PDE2A: variants seen among roughly 807,000 people sequenced by gnomAD.
The protein encoded by PDE2A is phosphodiesterase 2A, also known as cGMP-dependent 3',5'-cyclic phosphodiesterase.
A neutral mutation model predicts 133.6 loss-of-function variants in PDE2A; 53 were observed. The ratio of observed to expected loss-of-function variants is 0.40; its 90% confidence interval spans 0.32 to 0.50. The LOEUF is 0.50. PDE2A is among the 20% of genes least tolerant of loss of function. The pLI is 0.73. For missense variants in PDE2A, 796 were observed against 1,232.4 expected (o/e 0.65, Z 5.30); for synonymous variants, 491 against 490.2 (o/e 1.00, Z -0.02).
chr11:72,598,799 C>T (rs1284965777), intron 4 of PDE2A: 7 of 985,298 alleles, frequency 7.1e-6, no homozygotes, highest in Non-Finnish European at 8.4e-6. Context: ...TGAACCAAAC[C>T]CATTCCTTCC....
chr11:72,583,759 T>A (rs1184624559), intron 19 of PDE2A, among the ~76,000 whole-genome samples: 3 of 152,076 alleles, frequency 2.0e-5, no homozygotes, highest in Non-Finnish European at 4.4e-5. Flanking sequence ...CCCCCACACC[T>A]GATCCAGGCT....
At chr11:72,647,391 C>T (rs910039865) in intron 1 of PDE2A, among the ~76,000 whole-genome samples, 1 of 152,208 alleles carries the variant, frequency 6.6e-6, no homozygotes, top group African/African-American at 2.4e-5. Flanking sequence ...GCCTGCTTCT[C>T]TTTGAGTGCT....
At position 72,591,364 on chromosome 11, in the gene PDE2A, G is replaced by C. The variant is rs762485715; in HGVS notation, c.490-8C>G. The C allele has an allele frequency of 5.0e-5, 81 of 1,611,986 alleles. No individual in the cohort carries two copies. Among genetic ancestry groups the C allele is most frequent in the Non-Finnish European group, 6.4e-5 (75 of 1,178,318 alleles). ...CAGCTGGCCACAGTGCACCTGGAGG[G>C]ATGGGAGAAGGGAACTAGCTGTGAC... On this transcript the variant is annotated splice_region_variant and splice_polypyrimidine_tract_variant and intron_variant, in intron 6 of 30. Coordinates refer to ENST00000334456, the MANE Select transcript of PDE2A (RefSeq NM_002599.5).
At chr11:72,661,105 G>A (rs907651217) in intron 1 of PDE2A, among the ~76,000 whole-genome samples, 1 of 152,058 alleles carries the variant, frequency 6.6e-6, no homozygotes, top group African/African-American at 2.4e-5. Flanking sequence ...AGAAGTTGAA[G>A]ACCAGCCTGG....
chr11:72,599,053 A>T (rs1856616665), intron 4 of PDE2A: 7 of 984,790 alleles, frequency 7.1e-6, no homozygotes, highest in Non-Finnish European at 7.2e-6. Flanking sequence ...CCCTGGCCAA[A>T]CCCTGCCCAG....
Position 72,577,639 on chromosome 11 carries a change from C to T in PDE2A, c.2616-45G>A, listed in dbSNP as rs756348696. 7 of 1,384,068 alleles carry T rather than the reference C, an allele frequency of 5.1e-6. No homozygotes were observed. The South Asian group carries it at 6.9e-5, about 14-fold the overall frequency. 85.7% of individuals were successfully genotyped at this position (1,384,068 alleles called of 1,614,324 possible). ...AGAGGGCGAGAGGCCAGAAATCAGA[C>T]CATGGGCAGCAAGAAAGACTAGGGC... On this transcript the variant is annotated intron_variant, in intron 30 of 30. Coordinates refer to ENST00000334456, the MANE Select transcript of PDE2A (RefSeq NM_002599.5).
rs2135265436 is a variant in PDE2A at position 72,578,138 on chromosome 11, C to T, written c.2615+95G>A. The T allele has an allele frequency of 1.2e-6, 1 of 823,204 alleles. No homozygotes were observed. Among genetic ancestry groups the T allele is most frequent in the Non-Finnish European group, 2.1e-6 (1 of 477,852 alleles). The allele number at this position is 823,204 out of a possible 1,614,324, so 51.0% of individuals were successfully genotyped here. A position where few individuals can be genotyped will look rare whatever the true frequency, so the allele number is the denominator to read the frequency against. ...AGGGGATGAATCAGTTGGACCTGGGCCAGGCCAATCTCAGCACCTGTGTTT... is the reference window on the plus strand; with the variant it reads ...AGGGGATGAATCAGTTGGACCTGGGTCAGGCCAATCTCAGCACCTGTGTTT... On this transcript the variant is annotated intron_variant, in intron 30 of 30. Coordinates refer to ENST00000334456, the MANE Select transcript of PDE2A (RefSeq NM_002599.5). This position sits in a 1 kb window ranked among gnomAD's most constrained non-coding sequence, Gnocchi z 4.2.
rs1856207385 is a variant in PDE2A at position 72,590,718 on chromosome 11, C to T, written c.550-138G>A. 3.8e-6 allele frequency: 3 copies of T among 787,004 alleles called. No individual in the cohort carries two copies. The East Asian group carries it at 1.0e-4, about 26-fold the overall frequency. The allele number at this position is 787,004 out of a possible 1,614,324, so 48.8% of individuals were successfully genotyped here. On this transcript the variant is annotated intron_variant, in intron 7 of 30. Transcript: ENST00000334456. The surrounding 1 kb of genome is among the most constrained non-coding windows in gnomAD (Gnocchi z 4.8). ...CCCGCCGCCGTCCCAAACACCTCATCCCTGGACTCTACCTTCCTGAGGGCT... is the reference window on the plus strand; with the variant it reads ...CCCGCCGCCGTCCCAAACACCTCATTCCTGGACTCTACCTTCCTGAGGGCT...
Position 72,597,585 on chromosome 11 carries a change from T to G in PDE2A, c.358A>C (p.Asn120His). The change falls in exon 5 of 31, where the codon AAT becomes CAT. Residue 120 changes from asparagine (N) to histidine (H), a missense_variant. Transcript: ENST00000334456. This position sits in a 1 kb window ranked among gnomAD's most constrained non-coding sequence, Gnocchi z 4.6. The part of the protein sequence containing the change: ...AIISQKRLGC[N>H]GLGFSDLPGK... ...GGCAGGTCTGAGAAGCCCAGCCCATTGCAGCCCAGCCGCTTCTGGGAGATG... is the reference window on the plus strand; with the variant it reads ...GGCAGGTCTGAGAAGCCCAGCCCATGGCAGCCCAGCCGCTTCTGGGAGATG... 1 of 1,612,938 alleles carries G rather than the reference T, an allele frequency of 6.2e-7. No individual in the cohort carries two copies. The highest frequency in any genetic ancestry group is 8.5e-7 in the Non-Finnish European group (1 of 1,179,794).
At chr11:72,601,756 C>T (rs1226288871) in intron 4 of PDE2A, among the ~76,000 whole-genome samples, 1 of 152,162 alleles carries the variant, frequency 6.6e-6, no homozygotes, top group Non-Finnish European at 1.5e-5. Context: ...GTGAAGCCTC[C>T]TTTCAGGAAG....
chr11:72,580,927 G>C lies in PDE2A; in HGVS notation c.2092C>G (p.Leu698Val), dbSNP rs1855697348. 2 of 1,613,350 alleles carry C rather than the reference G, an allele frequency of 1.2e-6. No individual in the cohort carries two copies. The highest frequency in any genetic ancestry group is 1.7e-6 in the Non-Finnish European group (2 of 1,179,370). ...ALFISCMCHDLDHRGTNNSFQ... is the reference protein window; with the variant it reads ...ALFISCMCHDVDHRGTNNSFQ... ...GAGTTGTTTGTGCCTCTGTGGTCCA[G>C]GTCATGACACATGCAGGAAATAAAC... The change falls in exon 24 of 31, where the codon CTG (leucine) becomes GTG (valine). Residue 698 changes from leucine (L) to valine (V), a missense_variant. Transcript: ENST00000334456.
chr11:72,636,110 C>A (rs1010307329), intron 2 of PDE2A: 2 of 1,231,502 alleles, frequency 1.6e-6, no homozygotes, highest in East Asian at 5.8e-5. Flanking sequence ...ATGCCTGCCC[C>A]CTGAAGCCAC....
chr11:72,616,398 T>C (rs1229434596), intron 2 of PDE2A, among the ~76,000 whole-genome samples: 1 of 152,188 alleles, frequency 6.6e-6, no homozygotes, highest in Non-Finnish European at 1.5e-5. Flanking sequence ...CACAACAGAC[T>C]GGGAGCTTTT....
intron 1 of PDE2A, among the ~76,000 whole-genome samples, chr11:72,656,599 G>A (rs189083868): frequency 8.5e-4 from 130 of 152,056 alleles, no homozygotes; most frequent in African/African-American, 2.8e-3. Context: ...GGCCAGACAC[G>A]AGCAGAAAGG....
chr11:72,648,343 G>A (rs966950303), intron 1 of PDE2A, among the ~76,000 whole-genome samples: 1 of 152,198 alleles, frequency 6.6e-6, no homozygotes, highest in South Asian at 2.1e-4. Context: ...TGTGTCCGCT[G>A]GCTATGGCTC....
In PDE2A at chr11:72,578,546, A is replaced by C. The variant is rs761895946; in HGVS notation, c.2470-32T>G. 1.9e-6 allele frequency: 3 copies of C among 1,583,048 alleles called. No individual in the cohort carries two copies. Among genetic ancestry groups the C allele is most frequent in the Non-Finnish European group, 2.6e-6 (3 of 1,151,862 alleles). On this transcript the variant is annotated intron_variant, in intron 28 of 30. Coordinates refer to ENST00000334456, the MANE Select transcript of PDE2A (RefSeq NM_002599.5). The surrounding 1 kb of genome is among the most constrained non-coding windows in gnomAD (Gnocchi z 4.2). The stretch of plus-strand genomic sequence containing the variant: ...GGCCAACACTCTCATCACATCCTCT[A>C]TGTAGGATACATCCACCCAAGCTCC...
At position 72,585,939 on chromosome 11, in the gene PDE2A, AGGTTATGG is replaced by A. The variant is rs562515929; in HGVS notation, c.1182+123_1182+130del. The A allele has an allele frequency of 2.5e-4, 166 of 668,360 alleles. No homozygotes were observed. In the African/African-American group the frequency reaches 2.8e-3, roughly 11 times the overall value. The allele number at this position is 668,360 out of a possible 1,614,324, so 41.4% of individuals were successfully genotyped here. A position where few individuals can be genotyped will look rare whatever the true frequency, so the allele number is the denominator to read the frequency against. ...AACAACTGCAAGCCTTCAAGTTATG[AGGTTATGG>A]AGCCACCTGGGGAAGGGCTGCCACC... On this transcript the variant is annotated intron_variant, in intron 14 of 30. Coordinates refer to ENST00000334456, the MANE Select transcript of PDE2A (RefSeq NM_002599.5).
At chr11:72,658,274 G>T (rs923472558) in intron 1 of PDE2A, 9 of 375,148 alleles carry the variant, frequency 2.4e-5, no homozygotes, top group Non-Finnish European at 4.7e-5. Flanking sequence ...TCCCACCCCA[G>T]GTTATGGAGG....
At chr11:72,642,776 C>T (rs1484234258) in intron 1 of PDE2A, among the ~76,000 whole-genome samples, 2 of 146,912 alleles carry the variant, frequency 1.4e-5, no homozygotes, top group East Asian at 2.1e-4. Flanking sequence ...GTCCGGGGCC[C>T]GGCCAGAGCC....
Sources: allele counts gnomAD v4.1 joint callset (sites outside exome capture counted in the v4.1 genomes callset), GRCh38; gene constraint gnomAD v4.1.1; non-coding constraint Gnocchi (gnomAD v3.1); transcripts MANE v1.5; gene names NCBI Gene and HGNC (gene_info 2026-07-23, HGNC 2026-07-21).